PEAK1: variants seen among roughly 807,000 people sequenced by gnomAD.
The protein encoded by PEAK1 is pseudopodium enriched atypical kinase 1.
A neutral mutation model predicts 124.7 loss-of-function variants in PEAK1; 54 were observed. That is an observed-to-expected ratio of 0.43 (90% CI 0.35 to 0.54). PEAK1 has a LOEUF of 0.54. Ranked by LOEUF, PEAK1 falls within the 20% of genes least tolerant of loss-of-function variation. The probability of loss-of-function intolerance (pLI) is 0.01; values close to 1 mark genes in which losing one functional copy is unlikely to be tolerated. For synonymous variants in PEAK1, 719 were observed against 760.0 expected, an observed-to-expected ratio of 0.95 and a Z score of 0.89; for missense variants, 2,046 against 2,134.5, an observed-to-expected ratio of 0.96 and a Z score of 0.82.
chr15:77,323,704 C>G (rs1421009958), intron 2 of PEAK1, among the ~76,000 whole-genome samples: 2 of 152,172 alleles, frequency 1.3e-5, no homozygotes, highest in African/African-American at 4.8e-5. Flanking sequence ...AATGGCCATA[C>G]TGCCCAAGGT....
At chr15:77,410,918 T>C (rs912489627) in intron 1 of PEAK1, among the ~76,000 whole-genome samples, 4 of 152,196 alleles carry the variant, frequency 2.6e-5, no homozygotes, top group Non-Finnish European at 4.4e-5. Context: ...AATTACTAGA[T>C]AGGTGCTATT....
chr15:77,417,402 C>G (rs899680018), intron 1 of PEAK1: 1 of 961,254 alleles, frequency 1.0e-6, no homozygotes, highest in Non-Finnish European at 1.2e-6. Context: ...CTAGAAAGTA[C>G]CAGGAGCTTT....
rs185777729 is a variant in PEAK1, at chr15:77,216,345, C to G, written c.-114-34305G>C. Among the ~76,000 whole-genome samples, 63 of 152,294 alleles carry G rather than the reference C, an allele frequency of 4.1e-4. 3 individuals carry two copies. Among genetic ancestry groups the G allele is most frequent in the Non-Finnish European group, 3.2e-4 (22 of 68,024 alleles). ...TTTTTCTGCACCAAATAAACTCATA[C>G]TAAGTTGTGATAGCATGTCTGAATG... On this transcript the variant is annotated intron_variant, in intron 6 of 9. Coordinates refer to ENST00000682557, the MANE Select transcript of PEAK1 (RefSeq NM_001385026.1).
At chr15:77,183,470 GAATT>G (rs1345133309) in intron 6 of PEAK1, among the ~76,000 whole-genome samples, 11 of 152,098 alleles carry the variant, frequency 7.2e-5, no homozygotes, top group South Asian at 2.1e-4. Context: ...TTACAGATAT[GAATT>G]AATAGATGAA....
intron 5 of PEAK1, among the ~76,000 whole-genome samples, chr15:77,275,574 G>C (rs1057327085): frequency 1.3e-5 from 2 of 151,936 alleles, no homozygotes; most frequent in African/African-American, 4.8e-5. Context: ...AAATTAGATG[G>C]GTGTGATGGT....
intron 2 of PEAK1, chr15:77,352,494 C>A (rs1037476930): frequency 2.0e-6 from 2 of 984,962 alleles, no homozygotes; most frequent in East Asian, 2.3e-4. Flanking sequence ...ATGGAGAGAG[C>A]CTGGACATTT....
At chr15:77,298,064 CAAAAAAAAAAAAA>C (rs771222323) in intron 2 of PEAK1, among the ~76,000 whole-genome samples, 2 of 31,554 alleles carry the variant, frequency 6.3e-5, no homozygotes, top group Non-Finnish European at 1.0e-4. Flanking sequence ...GACTCCGTCT[CAAAAAAAAAAAAA>C]AAAAAAAAAA....
chr15:77,295,254 C>G (rs1007767258), intron 2 of PEAK1, among the ~76,000 whole-genome samples: 1 of 151,930 alleles, frequency 6.6e-6, no homozygotes, highest in Non-Finnish European at 1.5e-5. Context: ...TTTTACTAAG[C>G]TGTGTAGGTC....
At chr15:77,308,833 A>G (rs2064258183) in intron 2 of PEAK1, among the ~76,000 whole-genome samples, 1 of 152,110 alleles carries the variant, frequency 6.6e-6, no homozygotes. Context: ...AGAAGAAAAA[A>G]CAAGCTAAAT....
chr15:77,201,373 G>A (rs2058357467), intron 6 of PEAK1, among the ~76,000 whole-genome samples: 2 of 151,546 alleles, frequency 1.3e-5, no homozygotes, highest in Admixed American at 1.3e-4. Context: ...GAGTACCTGG[G>A]ACTACAGGCA....
intron 1 of PEAK1, chr15:77,401,628 C>A (rs1475797188): frequency 1.0e-6 from 1 of 984,922 alleles, no homozygotes; most frequent in Non-Finnish European, 1.2e-6. Context: ...TTGTATTTTC[C>A]ACAGAATGTT....
intron 6 of PEAK1, among the ~76,000 whole-genome samples, chr15:77,249,243 T>C (rs561368220): frequency 6.6e-6 from 1 of 152,086 alleles, no homozygotes; most frequent in Admixed American, 6.5e-5. Context: ...TCAAGTGTTA[T>C]GAGTTTAAGA....
chr15:77,419,481 GGGAGCAGGCAGGGA>G, intron 1 of PEAK1: 1 of 985,214 alleles, frequency 1.0e-6, no homozygotes, highest in Non-Finnish European at 1.2e-6. Flanking sequence ...GCGGCGCGAA[GGGAGCAGGCAGGGA>G]GCCACCCGGC....
intron 7 of PEAK1, among the ~76,000 whole-genome samples, chr15:77,161,211 G>T (rs2055608827): frequency 6.6e-6 from 1 of 152,188 alleles, no homozygotes; most frequent in South Asian, 2.1e-4. Flanking sequence ...ATAAACCATA[G>T]ATTCCACTGA....
intron 5 of PEAK1, among the ~76,000 whole-genome samples, chr15:77,261,234 T>G (rs1274522915): frequency 6.6e-6 from 1 of 151,938 alleles, no homozygotes; most frequent in Non-Finnish European, 1.5e-5. Context: ...TCCAAAGGAA[T>G]GCAGCTCCTC....
intron 6 of PEAK1, among the ~76,000 whole-genome samples, chr15:77,248,068 T>G (rs907662221): frequency 1.3e-5 from 2 of 151,994 alleles, no homozygotes; most frequent in African/African-American, 4.8e-5. Context: ...TTAATTTTGT[T>G]TTTTTTTGGT....
rs147062964 is a variant in PEAK1, at chr15:77,393,478, CTA to C, written c.-666+26526_-666+26527del. ...GTAGGACAGGCCACCAAGCAGGCTCCTATTCCAGGCCCTAGTTCCTGGACCAC... is the reference window on the plus strand; with the variant it reads ...GTAGGACAGGCCACCAAGCAGGCTCCTTCCAGGCCCTAGTTCCTGGACCAC... On this transcript the variant is annotated intron_variant, in intron 1 of 9. Coordinates refer to ENST00000682557, the MANE Select transcript of PEAK1 (RefSeq NM_001385026.1). 2.8e-3 allele frequency among the ~76,000 whole-genome samples: 420 copies of C among 152,294 alleles called. 3 individuals carry two copies. The highest frequency in any genetic ancestry group is 9.8e-3 in the African/African-American group (406 of 41,562).
chr15:77,278,441 A>G, intron 5 of PEAK1: 1 of 439,810 alleles, frequency 2.3e-6, no homozygotes, highest in South Asian at 1.8e-5. Context: ...TAACGCACCT[A>G]TGTCCTACCA....
intron 6 of PEAK1, among the ~76,000 whole-genome samples, chr15:77,224,486 C>T (rs1398296870): frequency 1.3e-5 from 2 of 152,036 alleles, no homozygotes; most frequent in African/African-American, 4.8e-5. Flanking sequence ...TTGTCTCTGA[C>T]TTATCAGATG....
Sources: allele counts gnomAD v4.1 joint callset (sites outside exome capture counted in the v4.1 genomes callset), GRCh38; gene constraint gnomAD v4.1.1; transcripts MANE v1.5; gene names NCBI Gene and HGNC (gene_info 2026-07-23, HGNC 2026-07-21).